Variants in MYO18B observed in about 807,000 individuals in gnomAD.
The protein encoded by MYO18B is unconventional myosin-XVIIIb.
A neutral mutation model predicts 273.0 loss-of-function variants in MYO18B; 204 were observed. The observed-to-expected ratio is 0.75, with a 90% confidence interval of 0.67 to 0.84. The LOEUF (loss-of-function observed/expected upper bound fraction) is 0.84. Among genes scored for constraint, MYO18B ranks in the 40% least tolerant of loss-of-function variants. The pLI is 0.00. For synonymous variants in MYO18B, 1,330 were observed against 1,305.7 expected (o/e 1.02, Z -0.40); for missense variants, 3,212 against 3,287.6 (o/e 0.98, Z 0.56).
At chr22:25,849,438 C>T (rs943489579) in intron 20 of MYO18B, among the ~76,000 whole-genome samples, 2 of 151,966 alleles carry the variant, frequency 1.3e-5, no homozygotes, top group South Asian at 2.1e-4. Context: ...TACACAGATA[C>T]GTCAAATATT....
At chr22:25,961,165 T>C (rs1348518056) in intron 39 of MYO18B, among the ~76,000 whole-genome samples, 1 of 149,376 alleles carries the variant, frequency 6.7e-6, no homozygotes, top group Non-Finnish European at 1.5e-5. Flanking sequence ...AAGATTACGG[T>C]GAACTATGGT....
chr22:26,063,729 G>A, the MYO18B span, among the ~76,000 whole-genome samples: 2 of 152,088 alleles, frequency 1.3e-5, no homozygotes, highest in African/African-American at 2.4e-5. Context: ...GTTTTCCTTC[G>A]ACCATTAGGC....
chr22:25,997,261 C>T (rs1294963669), intron 40 of MYO18B, among the ~76,000 whole-genome samples: 2 of 121,690 alleles, frequency 1.6e-5, no homozygotes, highest in Non-Finnish European at 3.2e-5. Context: ...GCTGAGATGG[C>T]GCCAGTGTAC....
At chr22:25,948,265 C>G (rs1475635429) in intron 36 of MYO18B, among the ~76,000 whole-genome samples, 1 of 152,148 alleles carries the variant, frequency 6.6e-6, no homozygotes, top group East Asian at 1.9e-4. Context: ...ATCCATCTAT[C>G]CAGTCATCCA....
Position 25,902,611 on chromosome 22 carries a change from A to C in MYO18B, c.4824-2A>C. On this transcript the variant is annotated splice_acceptor_variant, in intron 29 of 43. Coordinates refer to ENST00000335473, the MANE Select transcript of MYO18B (RefSeq NM_032608.7). LOFTEE classifies it high-confidence loss of function. ...CCCTGACACGTGCTCTGCTTTGCAC[A>C]GGTTTGACCTGCAGCTGGCCCAGGC... The C allele has an allele frequency of 6.2e-7, 1 of 1,606,668 alleles. No homozygotes were observed. The highest frequency in any genetic ancestry group is 8.5e-7 in the Non-Finnish European group (1 of 1,176,700).
rs770804583 is a variant in MYO18B at position 25,846,198 on chromosome 22, G to A, written c.3467G>A (p.Arg1156Lys). ...GGCACCTCCCAGCAGGCCCTGCAGA[G>A]GAGCCGCATGGTGAGGAGGACCTTT... ...LEGTSQQALQ[R>K]SRMVRRTFAS... Residue 1156 changes from arginine to lysine, a missense_variant, in exon 19 of 44, where the codon AGG becomes AAG. Physicochemically the swap from Arg to Lys is conservative, Grantham distance 26 (BLOSUM62 2). Coordinates refer to ENST00000335473, the MANE Select transcript of MYO18B (RefSeq NM_032608.7). 20 of 1,612,360 alleles carry A rather than the reference G, an allele frequency of 1.2e-5. No homozygotes were observed. The Admixed American group carries it at 3.3e-4, about 27-fold the overall frequency.
chr22:25,780,081 T>C lies in MYO18B; in HGVS notation c.2094T>C (p.Thr698=), dbSNP rs762994072. 1 of 1,596,560 alleles carries C rather than the reference T, an allele frequency of 6.3e-7. No individual in the cohort carries two copies. The highest frequency in any genetic ancestry group is 1.3e-5 in the African/African-American group (1 of 74,628). Residue 698 remains threonine, a synonymous_variant, in exon 9 of 44, where the codon ACT becomes ACC. Coordinates refer to ENST00000335473, the MANE Select transcript of MYO18B (RefSeq NM_032608.7). The part of the protein sequence containing the change: ...VSVEKIRATF[T]VLRAFGSVSM... ...TGGAGAAGATCCGAGCCACCTTCAC[T>C]GTCCTCCGGGCCTTCGGCTCTGTGT... is the stretch of plus-strand genomic sequence containing the variant.
intron 20 of MYO18B, among the ~76,000 whole-genome samples, chr22:25,848,579 T>TGATG (rs1471835057): frequency 6.6e-6 from 1 of 152,114 alleles, no homozygotes; most frequent in Non-Finnish European, 1.5e-5. Flanking sequence ...CCTGGGGAGA[T>TGATG]GATGGGCTGG....
At chr22:25,929,217 C>T (rs1008824878) in intron 34 of MYO18B, among the ~76,000 whole-genome samples, 5 of 150,542 alleles carry the variant, frequency 3.3e-5, no homozygotes, top group Non-Finnish European at 7.4e-5. Context: ...CCCCAATTGG[C>T]TCTCTCCTTT....
chr22:25,825,064 T>C (rs973798841), intron 13 of MYO18B, among the ~76,000 whole-genome samples: 2 of 152,002 alleles, frequency 1.3e-5, no homozygotes, highest in African/African-American at 4.8e-5. Context: ...CACACACGCA[T>C]AGACACAAGC....
At chr22:25,816,098 TG>T (rs926656046) in intron 12 of MYO18B, among the ~76,000 whole-genome samples, 1 of 152,184 alleles carries the variant, frequency 6.6e-6, no homozygotes, top group African/African-American at 2.4e-5. Context: ...GAAACAGGAA[TG>T]GATTTGAAGT....
At chr22:25,823,948 G>A (rs1371806495) in intron 13 of MYO18B, among the ~76,000 whole-genome samples, 2 of 152,194 alleles carry the variant, frequency 1.3e-5, no homozygotes, top group South Asian at 4.1e-4. Context: ...GGGCAGGGCC[G>A]ATGGACCAAT....
At chr22:25,948,437 TC>T (rs1464452017) in intron 36 of MYO18B, among the ~76,000 whole-genome samples, 2,127 of 113,098 alleles carry the variant, frequency 0.019, 51 homozygotes, top group African/African-American at 0.057. Flanking sequence ...CTTCCTTCCT[TC>T]CTTCCTTCCT....
At chr22:25,981,178 TAC>T (rs1377993268) in intron 39 of MYO18B, among the ~76,000 whole-genome samples, 1 of 152,248 alleles carries the variant, frequency 6.6e-6, no homozygotes, top group Non-Finnish European at 1.5e-5. Context: ...TATCTCTAAA[TAC>T]AGTTACATTC....
At chr22:25,837,750 C>A (rs530439632) in intron 17 of MYO18B, among the ~76,000 whole-genome samples, 1 of 152,204 alleles carries the variant, frequency 6.6e-6, no homozygotes, top group Non-Finnish European at 1.5e-5. Flanking sequence ...GCTCACAGTG[C>A]AAATTCCTAA....
chr22:25,843,969 A>G (rs770229430), intron 18 of MYO18B, 75 bp downstream of exon 18: 281 of 1,420,974 alleles, frequency 2.0e-4, no homozygotes, highest in Non-Finnish European at 2.5e-4. Flanking sequence ...TAAACTAGGC[A>G]GTCACTACAA....
chr22:25,812,718 T>G (rs1322035860), intron 12 of MYO18B, among the ~76,000 whole-genome samples: 1 of 151,932 alleles, frequency 6.6e-6, no homozygotes, highest in South Asian at 2.1e-4. Flanking sequence ...AGCCAAGGAG[T>G]CACTTGCCCA....
chr22:26,001,709 G>T (rs1043925074), intron 40 of MYO18B, among the ~76,000 whole-genome samples: 1 of 152,186 alleles, frequency 6.6e-6, no homozygotes, highest in East Asian at 1.9e-4. Flanking sequence ...GGAGCATGTG[G>T]AAGAGTAAGG....
intron 39 of MYO18B, among the ~76,000 whole-genome samples, chr22:25,984,785 TGA>T (rs1441394154): frequency 1.3e-5 from 2 of 148,932 alleles, no homozygotes; most frequent in Non-Finnish European, 3.0e-5. Flanking sequence ...GGCAAGAGAG[TGA>T]GACCCCCATC....
Sources: allele counts gnomAD v4.1 joint callset (sites outside exome capture counted in the v4.1 genomes callset), GRCh38; gene constraint gnomAD v4.1.1; transcripts MANE v1.5; gene names NCBI Gene and HGNC (gene_info 2026-07-23, HGNC 2026-07-21).